SKIC3: variants seen among roughly 807,000 people sequenced by gnomAD.
The protein encoded by SKIC3 is superkiller complex protein 3.
chr5:95,543,236 C>T, the SKIC3 span: 2 of 1,614,034 alleles, frequency 1.2e-6, no homozygotes, highest in South Asian at 2.2e-5. Context: ...TTTATAGGCA[C>T]TCTGGGCCTG....
the SKIC3 span, among the ~76,000 whole-genome samples, chr5:95,478,903 C>T: frequency 6.6e-6 from 1 of 152,080 alleles, no homozygotes; most frequent in Non-Finnish European, 1.5e-5. Flanking sequence ...CTATAGCAAA[C>T]ACCATACTTA....
the SKIC3 span, chr5:95,467,740 T>G: frequency 7.2e-7 from 1 of 1,380,646 alleles, no homozygotes. Context: ...ACACACTCAG[T>G]TTTTAAAAAT....
At chr5:95,482,364 C>A in the SKIC3 span, 1 of 1,152,388 alleles carries the variant, frequency 8.7e-7, no homozygotes, top group Non-Finnish European at 1.3e-6. Flanking sequence ...TGAGAGATAA[C>A]ATGGTGAGAG....
the SKIC3 span, among the ~76,000 whole-genome samples, chr5:95,464,834 A>G: frequency 6.6e-6 from 1 of 151,986 alleles, no homozygotes; most frequent in Non-Finnish European, 1.5e-5. Context: ...TCTTTCAGTC[A>G]CTTTTGCAGA....
At chr5:95,488,767 G>A in the SKIC3 span, among the ~76,000 whole-genome samples, 108 of 151,582 alleles carry the variant, frequency 7.1e-4, no homozygotes, top group Non-Finnish European at 1.1e-3. Flanking sequence ...ATACAAAAGA[G>A]GAAGAGAAAG....
At chr5:95,511,270 C>T in the SKIC3 span, among the ~76,000 whole-genome samples, 5 of 152,232 alleles carry the variant, frequency 3.3e-5, no homozygotes, top group South Asian at 6.2e-4. Context: ...ATTAGCCGGG[C>T]GTGGTGGCAC....
At chr5:95,525,323 T>C in the SKIC3 span, 1 of 1,306,042 alleles carries the variant, frequency 7.7e-7, no homozygotes, top group African/African-American at 1.5e-5. Flanking sequence ...TCATCAAGCC[T>C]ACTCATTTTG....
At chr5:95,516,566 C>T in the SKIC3 span, 1 of 1,613,340 alleles carries the variant, frequency 6.2e-7, no homozygotes, top group Non-Finnish European at 8.5e-7. Flanking sequence ...CAGTGCTGAG[C>T]AAGGGCATAA....
At chr5:95,516,962 C>T in the SKIC3 span, 6 of 1,612,752 alleles carry the variant, frequency 3.7e-6, no homozygotes, top group Non-Finnish European at 5.1e-6. Flanking sequence ...CATGTTGCTG[C>T]CTGTTTCTGC....
the SKIC3 span, among the ~76,000 whole-genome samples, chr5:95,493,512 C>T: frequency 1.3e-5 from 2 of 151,938 alleles, no homozygotes; most frequent in African/African-American, 4.8e-5. Context: ...AAAAAACCTA[C>T]CAATATATAT....
chr5:95,507,579 A>G, the SKIC3 span, among the ~76,000 whole-genome samples: 1 of 152,188 alleles, frequency 6.6e-6, no homozygotes, highest in Non-Finnish European at 1.5e-5. Flanking sequence ...GACTAAAAAG[A>G]GTTGGATATT....
At chr5:95,513,871 G>A in the SKIC3 span, among the ~76,000 whole-genome samples, 1 of 152,098 alleles carries the variant, frequency 6.6e-6, no homozygotes, top group Non-Finnish European at 1.5e-5. Flanking sequence ...AAATTAAAAA[G>A]TGATTCTGAT....
At chr5:95,516,290 G>A in the SKIC3 span, 1 of 1,568,374 alleles carries the variant, frequency 6.4e-7, no homozygotes, top group East Asian at 2.3e-5. Context: ...CTGAGCTATT[G>A]AGGAGACAAT....
the SKIC3 span, among the ~76,000 whole-genome samples, chr5:95,479,886 G>C: frequency 6.6e-6 from 1 of 151,838 alleles, no homozygotes; most frequent in Non-Finnish European, 1.5e-5. Flanking sequence ...TAATTATAAA[G>C]CTATACTCAA....
the SKIC3 span, among the ~76,000 whole-genome samples, chr5:95,518,514 G>T: frequency 7.1e-6 from 1 of 141,838 alleles, no homozygotes; most frequent in Non-Finnish European, 1.5e-5. Context: ...ACTTCTATGA[G>T]ATCAATTTTT....
At chr5:95,528,837 A>G in the SKIC3 span, 16 of 652,432 alleles carry the variant, frequency 2.5e-5, no homozygotes, top group African/African-American at 2.6e-4. Flanking sequence ...ACACTAGTAC[A>G]CATGCATGCA....
the SKIC3 span, among the ~76,000 whole-genome samples, chr5:95,467,318 G>A: frequency 6.6e-6 from 1 of 152,076 alleles, no homozygotes; most frequent in Non-Finnish European, 1.5e-5. Context: ...AAATAAAAAA[G>A]TAAAACCATT....
chr5:95,503,052 AT>A, the SKIC3 span: 1 of 1,610,056 alleles, frequency 6.2e-7, no homozygotes, highest in Non-Finnish European at 8.5e-7. Flanking sequence ...AGCCATCCTG[AT>A]TGATGAAGCA....
At chr5:95,473,608 C>A in the SKIC3 span, among the ~76,000 whole-genome samples, 1 of 152,178 alleles carries the variant, frequency 6.6e-6, no homozygotes, top group African/African-American at 2.4e-5. Flanking sequence ...AATAGCCATT[C>A]TGACTGGTGT....
Sources: allele counts gnomAD v4.1 joint callset (sites outside exome capture counted in the v4.1 genomes callset), GRCh38; gene constraint gnomAD v4.1.1; transcripts MANE v1.5; gene names NCBI Gene and HGNC (gene_info 2026-07-23, HGNC 2026-07-21).